Variants in PRKG1 observed in about 807,000 individuals in gnomAD.
The protein encoded by PRKG1 is cGMP-dependent protein kinase 1.
A neutral mutation model predicts 88.1 loss-of-function variants in PRKG1; 35 were observed. That is an observed-to-expected ratio of 0.40 (90% CI 0.30 to 0.53). The LOEUF (loss-of-function observed/expected upper bound fraction) is 0.53, where lower values mean the gene tolerates loss of function less well. Among genes scored for constraint, PRKG1 ranks in the 20% least tolerant of loss-of-function variants. The pLI, the probability that PRKG1 is intolerant of heterozygous loss-of-function variation, is 0.59. For missense variants in PRKG1, 540 were observed against 839.8 expected, an observed-to-expected ratio of 0.64 and a Z score of 4.41; for synonymous variants, 303 against 292.5, an observed-to-expected ratio of 1.04 and a Z score of -0.37.
chr10:51,848,432 G>A (rs1840459440), intron 4 of PRKG1, among the ~76,000 whole-genome samples: 1 of 152,134 alleles, frequency 6.6e-6, no homozygotes, highest in Non-Finnish European at 1.5e-5. Context: ...TGATTAAAGA[G>A]AAGTAAATAA....
At chr10:52,169,125 G>T (rs1232957958) in intron 9 of PRKG1, among the ~76,000 whole-genome samples, 1 of 152,150 alleles carries the variant, frequency 6.6e-6, no homozygotes, top group Non-Finnish European at 1.5e-5. Context: ...GAAGAAAGAA[G>T]AATTTGGCAA....
At chr10:51,732,452 G>A (rs939140650) in intron 3 of PRKG1, among the ~76,000 whole-genome samples, 8 of 152,062 alleles carry the variant, frequency 5.3e-5, no homozygotes, top group South Asian at 2.1e-4. Context: ...TACATCTAAC[G>A]ATTAATAAAG....
chr10:51,592,248 T>C (rs889153649), intron 3 of PRKG1, among the ~76,000 whole-genome samples: 2 of 152,200 alleles, frequency 1.3e-5, no homozygotes, highest in Admixed American at 1.3e-4. Context: ...AATGATAAGA[T>C]GAAACTGAAA....
chr10:52,171,305 TC>T (rs1838668213), intron 9 of PRKG1, among the ~76,000 whole-genome samples: 1 of 152,116 alleles, frequency 6.6e-6, no homozygotes, highest in Non-Finnish European at 1.5e-5. Flanking sequence ...GTGAGCAATA[TC>T]CTCTTCCAAA....
intron 3 of PRKG1, among the ~76,000 whole-genome samples, chr10:51,561,003 T>C (rs938668446): frequency 2.0e-5 from 3 of 151,840 alleles, no homozygotes; most frequent in African/African-American, 7.3e-5. Flanking sequence ...TCCTAGTGAT[T>C]TGGGAGTCTG....
At chr10:51,301,314 G>T (rs528590111) in intron 2 of PRKG1, among the ~76,000 whole-genome samples, 1 of 152,164 alleles carries the variant, frequency 6.6e-6, no homozygotes, top group South Asian at 2.1e-4. Flanking sequence ...CAAGTTTCTG[G>T]CTAGGCTCAG....
intron 7 of PRKG1, among the ~76,000 whole-genome samples, chr10:52,116,265 G>A (rs976919099): frequency 3.3e-5 from 5 of 152,116 alleles, no homozygotes; most frequent in Non-Finnish European, 7.4e-5. Flanking sequence ...GATAAACAAT[G>A]TATACGTGTT....
intron 5 of PRKG1, among the ~76,000 whole-genome samples, chr10:52,010,855 T>C (rs1844862441): frequency 6.6e-6 from 1 of 152,284 alleles, no homozygotes; most frequent in East Asian, 1.9e-4. Flanking sequence ...CAATAATGAG[T>C]ACTCCAGAAA....
chr10:51,155,279 T>C lies in PRKG1; in HGVS notation c.478+1949T>C, dbSNP rs184510137. 5.9e-4 allele frequency among the ~76,000 whole-genome samples: 90 copies of C among 152,236 alleles called. 1 individual carries two copies. The highest frequency in any genetic ancestry group is 5.6e-3 in the East Asian group (29 of 5,180). On this transcript the variant is annotated intron_variant, in intron 2 of 17. Coordinates refer to ENST00000373980, the MANE Select transcript of PRKG1 (RefSeq NM_006258.4). ...TTACTAAGCCTAACTGAAAGTCTTC[T>C]AGCTATATTGGAAGAAGCTTGGGAA...
intron 16 of PRKG1, among the ~76,000 whole-genome samples, chr10:52,289,741 G>A (rs1842198746): frequency 6.6e-6 from 1 of 151,938 alleles, no homozygotes; most frequent in South Asian, 2.1e-4. Flanking sequence ...TTAAAAAAGG[G>A]AAAAAAAGAA....
At chr10:51,211,179 G>A (rs1838207983) in intron 2 of PRKG1, among the ~76,000 whole-genome samples, 1 of 151,996 alleles carries the variant, frequency 6.6e-6, no homozygotes, top group Admixed American at 6.6e-5. Flanking sequence ...ATCGATAAAC[G>A]TAATCCAGCA....
intron 7 of PRKG1, among the ~76,000 whole-genome samples, chr10:52,067,284 T>C (rs1195324032): frequency 6.6e-6 from 1 of 152,210 alleles, no homozygotes; most frequent in East Asian, 1.9e-4. Context: ...TTCTCACAAA[T>C]AAAATTTGTG....
intron 2 of PRKG1, among the ~76,000 whole-genome samples, chr10:51,188,892 A>G (rs1338951170): frequency 6.6e-6 from 1 of 151,912 alleles, no homozygotes; most frequent in Non-Finnish European, 1.5e-5. Flanking sequence ...GCAAAAAGAA[A>G]ATGCAATAGG....
intron 9 of PRKG1, among the ~76,000 whole-genome samples, chr10:52,199,295 A>T (rs9416044): frequency 0.26 from 39,431 of 152,062 alleles, 6,017 homozygotes; most frequent in Admixed American, 0.41. Flanking sequence ...ATGAGTGAAG[A>T]TTCTCCTTGT....
In PRKG1 at chr10:52,064,049, G is replaced by A. The variant is rs1219562785; in HGVS notation, c.935+1418G>A. On this transcript the variant is annotated intron_variant, in intron 7 of 17. Transcript: ENST00000373980. ...CATGGGACTGGCAGCCTGGCCTCCA[G>A]CCTTCAGGCCCTCCCTGGTCTGAAG... Among the ~76,000 whole-genome samples, 3 of 152,186 alleles carry A rather than the reference G, an allele frequency of 2.0e-5. 1 individual carries two copies. The highest frequency in any genetic ancestry group is 7.2e-5 in the African/African-American group (3 of 41,462).
intron 3 of PRKG1, among the ~76,000 whole-genome samples, chr10:51,547,801 A>G (rs930615794): frequency 3.9e-5 from 6 of 152,118 alleles, no homozygotes; most frequent in African/African-American, 1.2e-4. Flanking sequence ...GAGAAACTTT[A>G]TAATTTCAAA....
chr10:51,683,076 T>A (rs1196423492), intron 3 of PRKG1, among the ~76,000 whole-genome samples: 5 of 152,224 alleles, frequency 3.3e-5, no homozygotes, highest in Non-Finnish European at 5.9e-5. Flanking sequence ...AACATGTTAT[T>A]TTATTTATAG....
At chr10:52,193,563 C>CAAAAAAAA (rs67349420) in intron 9 of PRKG1, among the ~76,000 whole-genome samples, 3 of 118,520 alleles carry the variant, frequency 2.5e-5, no homozygotes, top group African/African-American at 1.0e-4. Flanking sequence ...AAAAAAAAAA[C>CAAAAAAAA]AAAAAAAAAA....
intron 2 of PRKG1, among the ~76,000 whole-genome samples, chr10:51,207,884 A>G (rs1216116800): frequency 2.0e-5 from 3 of 152,090 alleles, no homozygotes; most frequent in Admixed American, 2.0e-4. Flanking sequence ...TAAATTTACT[A>G]TTTCTTCCTT....
Sources: gnomAD v4.1 joint callset for allele counts (sites outside exome capture counted in the v4.1 genomes callset) on GRCh38, gnomAD v4.1.1 for gene constraint, MANE v1.5 for transcripts, NCBI Gene and HGNC (gene_info 2026-07-23, HGNC 2026-07-21) for gene names.